The following MAPRE2 variants were observed in gnomAD, a reference collection of about 807,000 sequenced individuals.
MAPRE2 encodes microtubule-associated protein RP/EB family member 2.
MAPRE2 carries 13 observed loss-of-function variants against 43.2 expected under a neutral mutation model. The observed-to-expected ratio is 0.30, with a 90% CI of 0.20 to 0.48. The LOEUF is 0.48. Ranked by LOEUF, MAPRE2 falls within the 20% of genes least tolerant of loss-of-function variation. MAPRE2 has a pLI of 0.99. For synonymous variants in MAPRE2, 135 were observed against 148.8 expected (o/e 0.91, Z 0.68); for missense variants, 161 against 400.2 (o/e 0.40, Z 5.10).
chr18:35,107,076 T>C (rs1198026589), intron 4 of MAPRE2, among the ~76,000 whole-genome samples: 1 of 152,198 alleles, frequency 6.6e-6, no homozygotes, highest in East Asian at 1.9e-4. Flanking sequence ...TACATTCATG[T>C]ATTTAAATCA....
At chr18:35,131,903 CAG>C (rs1267707281) in intron 5 of MAPRE2, 127 bp from the exon 6 acceptor site, 3 of 919,570 alleles carry the variant, frequency 3.3e-6, no homozygotes, top group Non-Finnish European at 4.9e-6. Context: ...GTTTCTCCCT[CAG>C]ACTTACACAT....
intron 4 of MAPRE2, among the ~76,000 whole-genome samples, chr18:35,118,636 T>C (rs1603402936): frequency 6.6e-6 from 1 of 152,154 alleles, no homozygotes; most frequent in African/African-American, 2.4e-5. Context: ...CCCTGGTCTG[T>C]TCTCAACACA....
intron 2 of MAPRE2, among the ~76,000 whole-genome samples, chr18:35,093,367 A>G (rs1908250061): frequency 6.6e-6 from 1 of 152,136 alleles, no homozygotes; most frequent in Non-Finnish European, 1.5e-5. Flanking sequence ...GAGGCGCCTC[A>G]AAACACTAAA....
At chr18:35,116,337 GGGAAGCGGGGCTCTTC>G in intron 4 of MAPRE2, among the ~76,000 whole-genome samples, 1 of 152,208 alleles carries the variant, frequency 6.6e-6, no homozygotes, top group Non-Finnish European at 1.5e-5. Flanking sequence ...AGACTGCAGA[GGGAAGCGGGGCTCTTC>G]TTATTGCTAC....
chr18:35,062,533 A>G (rs566834230), intron 1 of MAPRE2, among the ~76,000 whole-genome samples: 1 of 152,342 alleles, frequency 6.6e-6, no homozygotes, highest in African/African-American at 2.4e-5. Context: ...AACTTTGGCA[A>G]TCCTAAAACC....
chr18:35,031,167 T>A (rs1210771508), intron 2 of MAPRE2, among the ~76,000 whole-genome samples: 1 of 152,228 alleles, frequency 6.6e-6, no homozygotes, highest in Non-Finnish European at 1.5e-5. Flanking sequence ...CCCTACCACA[T>A]ACACTTGCTC....
At chr18:35,060,296 C>T (rs1485856849) in intron 1 of MAPRE2, among the ~76,000 whole-genome samples, 2 of 151,816 alleles carry the variant, frequency 1.3e-5, no homozygotes, top group African/African-American at 2.4e-5. Flanking sequence ...GCTGAGTTGG[C>T]GGGGGAGGGG....
intron 5 of MAPRE2, 71 bp from the exon 6 acceptor site, chr18:35,131,961 A>G (rs1301504543): frequency 1.4e-6 from 2 of 1,464,874 alleles, no homozygotes; most frequent in Non-Finnish European, 1.9e-6. Context: ...GGTTTTATTC[A>G]CAGGAATTGC....
At chr18:34,984,343 A>G (rs1460844272) in intron 1 of MAPRE2, 1 of 152,188 alleles carries the variant, frequency 6.6e-6, no homozygotes, top group Non-Finnish European at 1.5e-5. Flanking sequence ...TCATTTAGAT[A>G]ATAGAGCAAC....
chr18:35,118,865 A>G (rs1461001626), intron 4 of MAPRE2, among the ~76,000 whole-genome samples: 1 of 151,948 alleles, frequency 6.6e-6, no homozygotes. Flanking sequence ...CCCATTCAGC[A>G]TTTCCTCTGC....
intron 1 of MAPRE2, among the ~76,000 whole-genome samples, chr18:34,985,087 T>C (rs1346568199): frequency 1.2e-5 from 1 of 86,506 alleles, no homozygotes; most frequent in Non-Finnish European, 2.0e-5. Context: ...ATTATAAAAA[T>C]ATATATTATA....
chr18:35,027,054 A>G (rs1323596648), intron 2 of MAPRE2, among the ~76,000 whole-genome samples: 2 of 152,164 alleles, frequency 1.3e-5, no homozygotes, highest in Non-Finnish European at 2.9e-5. Context: ...GAAGTTGAAC[A>G]TTCATTCTTT....
intron 2 of MAPRE2, among the ~76,000 whole-genome samples, chr18:35,079,731 G>A (rs914610777): frequency 6.6e-6 from 1 of 152,230 alleles, no homozygotes. Context: ...ATCCCTGTTA[G>A]ATTTCTGTAT....
chr18:35,044,265 T>C (rs1905508151), intron 1 of MAPRE2, among the ~76,000 whole-genome samples: 1 of 152,056 alleles, frequency 6.6e-6, no homozygotes, highest in Admixed American at 6.5e-5. Context: ...AATTTTGCTC[T>C]TGTTGCCCAG....
rs540603590 is a variant in MAPRE2 at position 34,980,216 on chromosome 18, G to A, written c.-70+3137G>A. On this transcript the variant is annotated intron_variant, in intron 1 of 7. Coordinates refer to the MAPRE2 transcript ENST00000413393. Reference sequence around the variant, plus strand: ...AATTTTTGTATTTTTATAGAGATGGGGTTTCACCATGTTGGCCAGGCCGGT... The same window carrying A: ...AATTTTTGTATTTTTATAGAGATGGAGTTTCACCATGTTGGCCAGGCCGGT... Among the ~76,000 whole-genome samples the A allele has an allele frequency of 2.0e-5, 3 of 151,516 alleles. No individual in the cohort carries two copies. The South Asian group carries it at 6.3e-4, about 32-fold the overall frequency.
chr18:35,011,330 G>C (rs2097034517), intron 2 of MAPRE2, among the ~76,000 whole-genome samples: 1 of 152,184 alleles, frequency 6.6e-6, no homozygotes, highest in African/African-American at 2.4e-5. Context: ...TCAGAGAAAG[G>C]GAAATTGTTT....
intron 2 of MAPRE2, among the ~76,000 whole-genome samples, chr18:35,031,257 G>C (rs1008285894): frequency 1.3e-5 from 2 of 152,176 alleles, no homozygotes; most frequent in African/African-American, 4.8e-5. Flanking sequence ...CTAGCACATA[G>C]TAAGTTCTCA....
In MAPRE2 at chr18:35,134,539, A is replaced by T. The variant is rs1603404519; in HGVS notation, c.909+2349A>T. Among the ~76,000 whole-genome samples, 6 of 152,344 alleles carry T rather than the reference A, an allele frequency of 3.9e-5. 1 individual carries two copies. On this transcript the variant is annotated intron_variant, in intron 6 of 6. Coordinates refer to ENST00000300249, the MANE Select transcript of MAPRE2 (RefSeq NM_014268.4). ...AGGTTTATCTAACTCAGAGGCTAAA[A>T]TCATAAGGACTGAGTTACCTCCCTC...
chr18:34,981,737 G>A (rs1225265608), intron 1 of MAPRE2, among the ~76,000 whole-genome samples: 1 of 152,076 alleles, frequency 6.6e-6, no homozygotes, highest in African/African-American at 2.4e-5. Flanking sequence ...AGTGTTTATT[G>A]CAACATACAG....
Sources: gnomAD v4.1 joint callset for allele counts (sites outside exome capture counted in the v4.1 genomes callset) on GRCh38, gnomAD v4.1.1 for gene constraint, MANE v1.5 for transcripts, NCBI Gene and HGNC (gene_info 2026-07-23, HGNC 2026-07-21) for gene names.